PDE8A: variants seen among roughly 807,000 people sequenced by gnomAD.
PDE8A encodes high affinity cAMP-specific and IBMX-insensitive 3',5'-cyclic phosphodiesterase 8A.
PDE8A carries 59 observed loss-of-function variants against 105.0 expected under a neutral mutation model. The ratio of observed to expected loss-of-function variants is 0.56; its 90% CI spans 0.46 to 0.70. The LOEUF (loss-of-function observed/expected upper bound fraction) is 0.70. Among genes scored for constraint, PDE8A ranks in the 30% least tolerant of loss-of-function variants. PDE8A has a pLI of 0.00. For missense variants in PDE8A, 1,014 were observed against 1,045.9 expected, an observed-to-expected ratio of 0.97 and a Z score of 0.42; for synonymous variants, 355 against 371.9, an observed-to-expected ratio of 0.95 and a Z score of 0.52.
Position 85,136,647 on chromosome 15 carries a change from G to GT in PDE8A, c.2370dup (p.Asp791Ter). On this transcript the variant is annotated frameshift_variant, in exon 21 of 22. Transcript: ENST00000394553. LOFTEE classifies it high-confidence loss of function. ...TCATTGATTACTTCATCACAGACAT[G>GT]TTTGATGCTTGGGATGGTAAGAAAT... The GT allele has an allele frequency of 6.2e-7, 1 of 1,613,574 alleles. No homozygotes were observed. Among genetic ancestry groups the GT allele is most frequent in the South Asian group, 1.1e-5 (1 of 91,012 alleles).
intron 1 of PDE8A, among the ~76,000 whole-genome samples, chr15:84,987,766 C>T (rs750282797): frequency 3.3e-5 from 5 of 152,068 alleles, no homozygotes; most frequent in Admixed American, 1.3e-4. Context: ...TGTGAGCCAC[C>T]GCGCCCGGCC....
At chr15:85,075,987 A>G (rs373815088) in intron 4 of PDE8A, 69 bp downstream of exon 4, 20 of 807,454 alleles carry the variant, frequency 2.5e-5, no homozygotes, top group South Asian at 9.7e-5. Flanking sequence ...CAGATGGCCA[A>G]ATAACAGCTT....
At chr15:85,078,827 A>G (rs969655128) in intron 5 of PDE8A, among the ~76,000 whole-genome samples, 18 of 152,342 alleles carry the variant, frequency 1.2e-4, no homozygotes, top group African/African-American at 4.3e-4. Flanking sequence ...GTATGAAACA[A>G]TAATAATGTC....
chr15:85,081,277 A>G (rs1046207140), intron 5 of PDE8A, among the ~76,000 whole-genome samples: 11 of 152,188 alleles, frequency 7.2e-5, no homozygotes, highest in Admixed American at 1.3e-4. Flanking sequence ...AGCTTCCTCA[A>G]TTGGATTTGG....
At position 85,090,042 on chromosome 15, in the gene PDE8A, T is replaced by G. The variant is rs138692241; in HGVS notation, c.714+626T>G. 1.4e-4 allele frequency among the ~76,000 whole-genome samples: 22 copies of G among 152,342 alleles called. No homozygotes were observed. The East Asian group carries it at 4.0e-3, about 28-fold the overall frequency. On this transcript the variant is annotated intron_variant, in intron 7 of 21. Transcript: ENST00000394553. ...TTGGAGCTCTCCAGTCTTTCTTACT[T>G]CTGGGCTCTCCAGTCTTTCACTTTA...
chr15:85,020,081 CAAA>C (rs1253144155), intron 1 of PDE8A, among the ~76,000 whole-genome samples: 2 of 148,692 alleles, frequency 1.3e-5, no homozygotes, highest in Non-Finnish European at 3.0e-5. Context: ...AGAAATGAGT[CAAA>C]GAAGGAGGTT....
At chr15:85,078,548 C>CAAAAAAAAAAAA (rs72174562) in intron 5 of PDE8A, among the ~76,000 whole-genome samples, 21 of 94,348 alleles carry the variant, frequency 2.2e-4, no homozygotes, top group South Asian at 4.7e-4. Context: ...TACTCCATCT[C>CAAAAAAAAAAAA]AAAAAAAAAA....
At position 85,026,059 on chromosome 15, in the gene PDE8A, C is replaced by G. The variant is rs545518474; in HGVS notation, c.187-38311C>G. On this transcript the variant is annotated intron_variant, in intron 1 of 21. Transcript: ENST00000394553. ...CAGGCTTCAAATATGGAATTAGTGA[C>G]CTCTGAACCCGTGTTTGTCAAACTG... Among the ~76,000 whole-genome samples, 27 of 152,296 alleles carry G rather than the reference C, an allele frequency of 1.8e-4. 2 individuals carry two copies. The South Asian group carries it at 3.9e-3, about 22-fold the overall frequency.
At chr15:84,995,562 C>T (rs1161337054) in intron 1 of PDE8A, among the ~76,000 whole-genome samples, 1 of 152,152 alleles carries the variant, frequency 6.6e-6, no homozygotes, top group Non-Finnish European at 1.5e-5. Context: ...CTCAAGCAGT[C>T]CTCCTGCCTC....
At chr15:84,993,725 A>T (rs1015429288) in intron 1 of PDE8A, among the ~76,000 whole-genome samples, 2 of 149,892 alleles carry the variant, frequency 1.3e-5, no homozygotes, top group Non-Finnish European at 3.0e-5. Context: ...CTATAAAAAA[A>T]AATAATAATA....
intron 8 of PDE8A, among the ~76,000 whole-genome samples, chr15:85,091,706 A>G (rs965123532): frequency 1.3e-5 from 2 of 152,196 alleles, no homozygotes; most frequent in East Asian, 1.9e-4. Context: ...AATAAAAGTA[A>G]CTATTATTCA....
chr15:85,039,534 A>G (rs1294445624), intron 1 of PDE8A, among the ~76,000 whole-genome samples: 1 of 152,094 alleles, frequency 6.6e-6, no homozygotes, highest in Non-Finnish European at 1.5e-5. Flanking sequence ...ACTTTGGAAA[A>G]CAGTATGGAG....
chr15:85,065,855 A>G (rs1463094665), intron 2 of PDE8A, among the ~76,000 whole-genome samples: 1 of 152,250 alleles, frequency 6.6e-6, no homozygotes, highest in African/African-American at 2.4e-5. Context: ...CGCTATGGAT[A>G]CAGGCCTCGC....
Position 85,122,348 on chromosome 15 carries a change from C to G in PDE8A, c.1953-713C>G, listed in dbSNP as rs144600050. On this transcript the variant is annotated intron_variant, in intron 18 of 21. Coordinates refer to ENST00000394553, the MANE Select transcript of PDE8A (RefSeq NM_002605.3). ...GTTGAAGAAAGAAAAAACATTGTGT[C>G]ATGAAGAATACTTATTAATATGGAT... Among the ~76,000 whole-genome samples, 9 of 152,264 alleles carry G rather than the reference C, an allele frequency of 5.9e-5. No individual in the cohort carries two copies. The East Asian group carries it at 1.7e-3, about 29-fold the overall frequency.
intron 20 of PDE8A, among the ~76,000 whole-genome samples, chr15:85,131,037 C>G (rs1393397923): frequency 6.6e-6 from 1 of 152,118 alleles, no homozygotes; most frequent in Non-Finnish European, 1.5e-5. Context: ...GATTACAGGC[C>G]TGAGCCACCG....
intron 1 of PDE8A, among the ~76,000 whole-genome samples, chr15:85,040,049 AT>A (rs138352192): frequency 0.026 from 3,935 of 152,310 alleles, 73 homozygotes; most frequent in Non-Finnish European, 0.035. Context: ...ATTGCAGTTA[AT>A]AATAATGTAT....
chr15:85,126,085 T>C, intron 19 of PDE8A, 122 bp from the exon 20 acceptor site: 1 of 607,368 alleles, frequency 1.6e-6, no homozygotes. Flanking sequence ...GGCACTGTTT[T>C]GTGAGATCCT....
intron 20 of PDE8A, among the ~76,000 whole-genome samples, chr15:85,130,351 A>G (rs12324638): frequency 0.068 from 10,403 of 152,256 alleles, 588 homozygotes; most frequent in African/African-American, 0.15. Context: ...AGCATATGCT[A>G]TTTAATTTCC....
Position 84,982,303 on chromosome 15 carries a change from C to T in PDE8A, c.141C>T (p.Gly47=). The T allele has an allele frequency of 7.3e-7, 1 of 1,369,536 alleles. No individual in the cohort carries two copies. The highest frequency in any genetic ancestry group is 9.3e-7 in the Non-Finnish European group (1 of 1,070,840). 84.8% of individuals were successfully genotyped at this position (1,369,536 alleles called of 1,614,324 possible). A position where few individuals can be genotyped will look rare whatever the true frequency, so the allele number is the denominator to read the frequency against. Residue 47 remains glycine, a synonymous_variant, in exon 1 of 22, where the codon GGC becomes GGT. Coordinates refer to ENST00000394553, the MANE Select transcript of PDE8A (RefSeq NM_002605.3). The part of the protein sequence containing the change: ...QKTAALPRTR[G]AGLLESELRD... ...CGGCCGCCTTGCCCCGGACCCGCGGCGCCGGCCTCTTGGAGTCGGAGCTTC... is the reference window on the plus strand; with the variant it reads ...CGGCCGCCTTGCCCCGGACCCGCGGTGCCGGCCTCTTGGAGTCGGAGCTTC...
Sources: allele counts gnomAD v4.1 joint callset (sites outside exome capture counted in the v4.1 genomes callset), GRCh38; gene constraint gnomAD v4.1.1; transcripts MANE v1.5; gene names NCBI Gene and HGNC (gene_info 2026-07-23, HGNC 2026-07-21).